The following ARHGAP15 variants were observed in gnomAD, a reference collection of about 807,000 sequenced individuals.
ARHGAP15 encodes rho GTPase-activating protein 15.
Under a neutral mutation model 63.7 loss-of-function variants are expected in ARHGAP15, and 51 were observed. The ratio of observed to expected loss-of-function variants is 0.80; its 90% CI spans 0.64 to 1.01. The LOEUF (loss-of-function observed/expected upper bound fraction) is 1.01. Among genes scored for constraint, ARHGAP15 ranks in the 50% least tolerant of loss-of-function variants. The pLI is 0.00. For synonymous variants in ARHGAP15, 191 were observed against 193.8 expected (o/e 0.99, Z 0.12); for missense variants, 560 against 564.6 (o/e 0.99, Z 0.08).
chr2:143,668,739 A>G (rs966363328), intron 12 of ARHGAP15, among the ~76,000 whole-genome samples: 10 of 152,178 alleles, frequency 6.6e-5, no homozygotes, highest in African/African-American at 2.2e-4. Context: ...TCTTATTGCA[A>G]TCCTTTGATG....
chr2:143,514,943 C>T (rs1693744441), intron 9 of ARHGAP15, among the ~76,000 whole-genome samples: 1 of 152,098 alleles, frequency 6.6e-6, no homozygotes, highest in Non-Finnish European at 1.5e-5. Flanking sequence ...AGACATTTGG[C>T]CGAGCCCAAT....
intron 2 of ARHGAP15, among the ~76,000 whole-genome samples, chr2:143,179,736 A>C (rs1287000782): frequency 6.6e-6 from 1 of 152,092 alleles, no homozygotes; most frequent in Non-Finnish European, 1.5e-5. Context: ...AAAAATTAAA[A>C]ACAAAATTAA....
intron 6 of ARHGAP15, among the ~76,000 whole-genome samples, chr2:143,270,381 T>C (rs1043222097): frequency 1.3e-5 from 2 of 152,240 alleles, no homozygotes; most frequent in African/African-American, 2.4e-5. Flanking sequence ...TAAAATAAAA[T>C]TCTTACCCAT....
chr2:143,333,751 A>G (rs974416496), intron 6 of ARHGAP15, among the ~76,000 whole-genome samples: 1 of 152,208 alleles, frequency 6.6e-6, no homozygotes, highest in African/African-American at 2.4e-5. Flanking sequence ...ATGTTATAGC[A>G]TTAGGCACAG....
intron 2 of ARHGAP15, among the ~76,000 whole-genome samples, chr2:143,188,394 A>G (rs970137703): frequency 6.6e-6 from 1 of 151,844 alleles, no homozygotes; most frequent in Non-Finnish European, 1.5e-5. Context: ...TTTTTCCAAA[A>G]ATATCAACAA....
chr2:143,361,394 T>C (rs1010933217), intron 6 of ARHGAP15, among the ~76,000 whole-genome samples: 4 of 152,222 alleles, frequency 2.6e-5, no homozygotes, highest in African/African-American at 9.6e-5. Context: ...GAGAGACCTC[T>C]GTATTTCCGT....
At chr2:143,664,972 G>A (rs1200473511) in intron 12 of ARHGAP15, among the ~76,000 whole-genome samples, 9 of 151,642 alleles carry the variant, frequency 5.9e-5, no homozygotes, top group East Asian at 3.9e-4. Context: ...ATTCACAGCC[G>A]AATTCTATCA....
intron 9 of ARHGAP15, among the ~76,000 whole-genome samples, chr2:143,499,973 A>T (rs1310516101): frequency 6.6e-6 from 1 of 152,120 alleles, no homozygotes; most frequent in Non-Finnish European, 1.5e-5. Flanking sequence ...ACTTATATAA[A>T]ACAGGCTTTA....
chr2:143,599,310 T>C (rs1697664767), intron 11 of ARHGAP15, among the ~76,000 whole-genome samples: 4 of 152,158 alleles, frequency 2.6e-5, no homozygotes, highest in Non-Finnish European at 5.9e-5. Flanking sequence ...AGATGAGAGC[T>C]TTAATAGTGT....
At chr2:143,475,793 C>T (rs879476348) in intron 8 of ARHGAP15, among the ~76,000 whole-genome samples, 3 of 152,218 alleles carry the variant, frequency 2.0e-5, no homozygotes, top group Admixed American at 6.5e-5. Flanking sequence ...CAGGAGAAAT[C>T]GTTGTCTAGA....
chr2:143,612,522 G>C (rs1574708847), intron 11 of ARHGAP15, among the ~76,000 whole-genome samples: 1 of 152,122 alleles, frequency 6.6e-6, no homozygotes, highest in Non-Finnish European at 1.5e-5. Flanking sequence ...CCATTGTGTG[G>C]GAGACGTTTC....
chr2:143,259,388 C>A (rs1189657507), intron 6 of ARHGAP15, among the ~76,000 whole-genome samples: 2 of 151,930 alleles, frequency 1.3e-5, no homozygotes, highest in Non-Finnish European at 2.9e-5. Context: ...TTGGAGGGGG[C>A]AAATACTAGA....
chr2:143,534,617 G>A (rs1307465036), intron 10 of ARHGAP15, among the ~76,000 whole-genome samples: 1 of 152,100 alleles, frequency 6.6e-6, no homozygotes, highest in African/African-American at 2.4e-5. Context: ...AGTGGCTCAT[G>A]CCTACAATCC....
Position 143,673,758 on chromosome 2 carries a change from G to GTATA in ARHGAP15, c.1139-29638_1139-29635dup, listed in dbSNP as rs70982879. ...TGTGTGTGTGTGTGTGTGTGTGTGT[G>GTATA]TATATATATATATATATATATATAT... On this transcript the variant is annotated intron_variant, in intron 12 of 13. Coordinates refer to ENST00000295095, the MANE Select transcript of ARHGAP15 (RefSeq NM_018460.4). 8.8e-3 allele frequency among the ~76,000 whole-genome samples: 195 copies of GTATA among 22,120 alleles called. 11 individuals are homozygous for GTATA. The highest frequency in any genetic ancestry group is 0.015 in the African/African-American group (183 of 12,312). The allele number at this position is 22,120 out of a possible 152,430, so 14.5% of individuals were successfully genotyped here.
chr2:143,412,280 C>G (rs1041021653), intron 6 of ARHGAP15, among the ~76,000 whole-genome samples: 3 of 151,968 alleles, frequency 2.0e-5, no homozygotes, highest in African/African-American at 7.3e-5. Context: ...AAGAACAAAA[C>G]GGAAATGGAT....
chr2:143,710,609 A>C (rs994672145), intron 13 of ARHGAP15, among the ~76,000 whole-genome samples: 3 of 152,204 alleles, frequency 2.0e-5, no homozygotes, highest in African/African-American at 7.2e-5. Context: ...CCACTGAAAA[A>C]TAGGAAACAA....
intron 6 of ARHGAP15, among the ~76,000 whole-genome samples, chr2:143,406,312 G>C (rs898821063): frequency 6.6e-6 from 1 of 151,788 alleles, no homozygotes; most frequent in Non-Finnish European, 1.5e-5. Flanking sequence ...AAGAGTGTTT[G>C]TTTATATGCT....
At chr2:143,405,506 A>C (rs977056037) in intron 6 of ARHGAP15, among the ~76,000 whole-genome samples, 3 of 151,926 alleles carry the variant, frequency 2.0e-5, no homozygotes, top group African/African-American at 7.2e-5. Context: ...TAAACTACAT[A>C]TAGATTTATT....
intron 12 of ARHGAP15, among the ~76,000 whole-genome samples, chr2:143,687,401 A>G (rs1406398858): frequency 1.3e-5 from 2 of 152,222 alleles, no homozygotes; most frequent in Non-Finnish European, 2.9e-5. Flanking sequence ...ATTGAGGAAG[A>G]GCCAGAAATT....
Sources: allele counts gnomAD v4.1 joint callset (sites outside exome capture counted in the v4.1 genomes callset), GRCh38; gene constraint gnomAD v4.1.1; transcripts MANE v1.5; gene names NCBI Gene and HGNC (gene_info 2026-07-23, HGNC 2026-07-21).